NHSL1: variants seen among roughly 807,000 people sequenced by gnomAD.
NHSL1 encodes the protein NHS like 1.
NHSL1 carries 48 observed loss-of-function variants against 95.0 expected under a neutral mutation model. The observed-to-expected ratio is 0.51, with a 90% CI of 0.40 to 0.64. The LOEUF (loss-of-function observed/expected upper bound fraction) is 0.64. NHSL1 is among the 30% of genes least tolerant of loss of function. The probability of loss-of-function intolerance (pLI) is 0.00; values close to 1 mark genes in which losing one functional copy is unlikely to be tolerated. For synonymous variants in NHSL1, 783 were observed against 833.9 expected, an observed-to-expected ratio of 0.94 and a Z score of 1.05; for missense variants, 1,971 against 2,077.7, an observed-to-expected ratio of 0.95 and a Z score of 1.00.
At chr6:138,605,615 G>A (rs949187307) in intron 1 of NHSL1, among the ~76,000 whole-genome samples, 2 of 152,212 alleles carry the variant, frequency 1.3e-5, no homozygotes, top group Non-Finnish European at 2.9e-5. Flanking sequence ...CCACGACTTT[G>A]ATTTGAAAGC....
At position 138,531,862 on chromosome 6, in the gene NHSL1, T is replaced by C. The variant is rs73557321; in HGVS notation, c.16+13761A>G. Among the ~76,000 whole-genome samples the C allele has an allele frequency of 4.6e-3, 698 of 152,302 alleles. 6 individuals carry two copies. Among genetic ancestry groups the C allele is most frequent in the African/African-American group, 0.016 (653 of 41,562 alleles). On this transcript the variant is annotated intron_variant, in intron 1 of 4. Transcript: ENST00000342260. Reference sequence around the variant, plus strand: ...GATGATACACCAGAATTTTCCTTTATATCTTAAATTTTTTTCAATTATTAA... The same window carrying C: ...GATGATACACCAGAATTTTCCTTTACATCTTAAATTTTTTTCAATTATTAA...
intron 1 of NHSL1, among the ~76,000 whole-genome samples, chr6:138,617,375 T>C (rs1304753914): frequency 6.6e-6 from 1 of 152,128 alleles, no homozygotes; most frequent in Non-Finnish European, 1.5e-5. Flanking sequence ...CAGACTGCAT[T>C]CTCCACGCCC....
chr6:138,504,841 T>C (rs1780876594), intron 1 of NHSL1, among the ~76,000 whole-genome samples: 1 of 152,252 alleles, frequency 6.6e-6, no homozygotes, highest in Admixed American at 6.5e-5. Flanking sequence ...CAGCTCAGAA[T>C]AACTTTCTTT....
At chr6:138,614,637 CTCCATGT>C (rs1784554995) in intron 1 of NHSL1, among the ~76,000 whole-genome samples, 1 of 152,176 alleles carries the variant, frequency 6.6e-6, no homozygotes, top group Admixed American at 6.5e-5. Flanking sequence ...AAATAAAATA[CTCCATGT>C]CAGGGGGTCC....
intron 1 of NHSL1, among the ~76,000 whole-genome samples, chr6:138,553,854 A>G (rs9495125): frequency 0.06 from 9,086 of 152,282 alleles, 893 homozygotes; most frequent in African/African-American, 0.2. Flanking sequence ...CACAGATACC[A>G]TTCTCTCTCC....
In NHSL1 at chr6:138,457,338, T is replaced by C. The variant is rs572423910; in HGVS notation, c.340-10145A>G. On this transcript the variant is annotated intron_variant, in intron 3 of 7. Transcript: ENST00000343505. ...CCACTTTGAACATCAAAGATATGTG[T>C]GGATCTCGTTAGCAAAACATCTTTC... Among the ~76,000 whole-genome samples the C allele has an allele frequency of 3.9e-5, 6 of 152,332 alleles. No homozygotes were observed. The East Asian group carries it at 1.2e-3, about 29-fold the overall frequency.
intron 1 of NHSL1, among the ~76,000 whole-genome samples, chr6:138,529,154 C>T (rs1315321168): frequency 1.3e-5 from 2 of 152,134 alleles, no homozygotes; most frequent in Non-Finnish European, 2.9e-5. Context: ...AGACACACTC[C>T]GGAGCTTGCA....
intron 1 of NHSL1, among the ~76,000 whole-genome samples, chr6:138,658,055 A>C (rs1302958019): frequency 6.6e-6 from 1 of 152,134 alleles, no homozygotes; most frequent in Non-Finnish European, 1.5e-5. Context: ...CCATCTCCCG[A>C]AAATGAAGTC....
rs145370782 is a variant in NHSL1, at chr6:138,425,596, G to A, written c.4086-780C>T. ...GACAGGACCAAAAGTTTTAATAATG[G>A]CCAGTTTTCCTTGATCTCTCCTAGA... is the stretch of plus-strand genomic sequence containing the variant. On this transcript the variant is annotated intron_variant, in intron 7 of 7. Coordinates refer to ENST00000343505, the MANE Select transcript of NHSL1 (RefSeq NM_001144060.2). Among the ~76,000 whole-genome samples the A allele has an allele frequency of 2.4e-4, 36 of 152,140 alleles. No homozygotes were observed. The East Asian group carries it at 5.8e-3, about 25-fold the overall frequency.
chr6:138,558,763 AGCCAGGCAGTGGCTCAC>A (rs1389421679), intron 1 of NHSL1, among the ~76,000 whole-genome samples: 1 of 152,214 alleles, frequency 6.6e-6, no homozygotes, highest in Non-Finnish European at 1.5e-5. Flanking sequence ...AAAACACTAC[AGCCAGGCAGTGGCTCAC>A]GCCTATATTC....
chr6:138,578,760 T>A (rs901622114), intron 1 of NHSL1, among the ~76,000 whole-genome samples: 1 of 151,918 alleles, frequency 6.6e-6, no homozygotes, highest in Non-Finnish European at 1.5e-5. Flanking sequence ...AAATGCAGAG[T>A]GTGATTCAGG....
chr6:138,512,535 C>T (rs996237198), intron 1 of NHSL1: 10 of 173,708 alleles, frequency 5.8e-5, no homozygotes, highest in Non-Finnish European at 8.6e-5. Flanking sequence ...TAACATCCCC[C>T]GACACCAAAA....
At chr6:138,483,521 G>A (rs1779547234) in intron 2 of NHSL1, among the ~76,000 whole-genome samples, 1 of 152,120 alleles carries the variant, frequency 6.6e-6, no homozygotes, top group Non-Finnish European at 1.5e-5. Context: ...TGCTTGGAGG[G>A]TTCTTACATT....
chr6:138,650,477 G>C, intron 1 of NHSL1: 1 of 900,746 alleles, frequency 1.1e-6, no homozygotes, highest in Non-Finnish European at 1.8e-6. Flanking sequence ...CCAGGGCCTG[G>C]TGGAGGCTGT....
chr6:138,536,105 CAGT>C (rs1467183621), intron 1 of NHSL1, among the ~76,000 whole-genome samples: 3 of 152,142 alleles, frequency 2.0e-5, no homozygotes, highest in African/African-American at 7.2e-5. Flanking sequence ...TCCAAAACAG[CAGT>C]CTGGGAGAAA....
intron 1 of NHSL1, among the ~76,000 whole-genome samples, chr6:138,620,924 T>C (rs1174284624): frequency 6.6e-6 from 1 of 152,110 alleles, no homozygotes; most frequent in Non-Finnish European, 1.5e-5. Context: ...AGAGAGCAAT[T>C]CCACCTGGCT....
At chr6:138,518,773 T>A (rs2128306764) in intron 1 of NHSL1, among the ~76,000 whole-genome samples, 1 of 152,248 alleles carries the variant, frequency 6.6e-6, no homozygotes, top group African/African-American at 2.4e-5. Context: ...ATCCCAGCAC[T>A]TTAGGAGGCC....
chr6:138,537,195 A>G (rs1782389175), intron 1 of NHSL1, among the ~76,000 whole-genome samples: 1 of 152,234 alleles, frequency 6.6e-6, no homozygotes, highest in South Asian at 2.1e-4. Context: ...ATTTCCAAAA[A>G]GGAAAGGTTT....
intron 1 of NHSL1, among the ~76,000 whole-genome samples, chr6:138,554,718 C>T (rs1783132996): frequency 6.6e-6 from 1 of 152,154 alleles, no homozygotes; most frequent in Admixed American, 6.5e-5. Context: ...TTGAAACCAA[C>T]TAAGTATTTG....
Sources: allele counts gnomAD v4.1 joint callset (sites outside exome capture counted in the v4.1 genomes callset), GRCh38; gene constraint gnomAD v4.1.1; transcripts MANE v1.5; gene names NCBI Gene and HGNC (gene_info 2026-07-23, HGNC 2026-07-21).